NEK11: variants seen among roughly 807,000 people sequenced by gnomAD.
NEK11 encodes the protein serine/threonine-protein kinase Nek11.
A neutral mutation model predicts 80.7 loss-of-function variants in NEK11; 72 were observed. That is an observed-to-expected ratio of 0.89 (90% CI 0.74 to 1.08). NEK11 has a LOEUF of 1.08. Ranked by LOEUF, NEK11 falls within the 50% of genes least tolerant of loss-of-function variation. The probability of loss-of-function intolerance (pLI) is 0.00; values close to 1 mark genes in which losing one functional copy is unlikely to be tolerated. For missense variants in NEK11, 764 were observed against 763.6 expected (o/e 1.00, Z -0.01); for synonymous variants, 251 against 260.7 (o/e 0.96, Z 0.36).
chr3:131,198,012 G>A (rs1389177004), intron 14 of NEK11, among the ~76,000 whole-genome samples: 2 of 152,056 alleles, frequency 1.3e-5, no homozygotes, highest in South Asian at 2.1e-4. Flanking sequence ...GTGTTCCCTC[G>A]AAATTAGGAA....
At chr3:131,227,106 G>A (rs2107767016) in intron 14 of NEK11, among the ~76,000 whole-genome samples, 1 of 151,406 alleles carries the variant, frequency 6.6e-6, no homozygotes, top group East Asian at 1.9e-4. Flanking sequence ...GAGATCCCTA[G>A]TACACTGCTT....
chr3:131,307,382 T>C (rs559393752), intron 17 of NEK11, among the ~76,000 whole-genome samples: 1 of 152,306 alleles, frequency 6.6e-6, no homozygotes, highest in South Asian at 2.1e-4. Flanking sequence ...CATTTGAAAA[T>C]ATATTTGTTC....
intron 14 of NEK11, among the ~76,000 whole-genome samples, chr3:131,198,949 G>A (rs1052531640): frequency 2.0e-5 from 3 of 152,106 alleles, no homozygotes; most frequent in Non-Finnish European, 2.9e-5. Flanking sequence ...GTTGCTTTAG[G>A]GTTTTGGGAT....
intron 17 of NEK11, among the ~76,000 whole-genome samples, chr3:131,281,015 C>A (rs2096387284): frequency 6.6e-6 from 1 of 152,222 alleles, no homozygotes; most frequent in African/African-American, 2.4e-5. Flanking sequence ...TCTCTCTCAT[C>A]CTCTCGTGTC....
chr3:131,346,314 A>C (rs2097362962), intron 17 of NEK11, among the ~76,000 whole-genome samples: 1 of 152,214 alleles, frequency 6.6e-6, no homozygotes, highest in African/African-American at 2.4e-5. Context: ...TATACACAAT[A>C]AAATTTAAAA....
chr3:131,124,797 A>T (rs892631689), intron 5 of NEK11, among the ~76,000 whole-genome samples: 19 of 152,228 alleles, frequency 1.2e-4, no homozygotes, highest in Admixed American at 1.1e-3. Context: ...AATAGTTATT[A>T]AATAGCAAAG....
chr3:131,316,528 T>C (rs1028742504), intron 17 of NEK11, among the ~76,000 whole-genome samples: 3 of 152,248 alleles, frequency 2.0e-5, no homozygotes, highest in Admixed American at 6.5e-5. Flanking sequence ...GTCCTTTTGA[T>C]TATATTTTGT....
At chr3:131,105,327 C>T (rs1479462026) in intron 4 of NEK11, among the ~76,000 whole-genome samples, 1 of 152,178 alleles carries the variant, frequency 6.6e-6, no homozygotes, top group African/African-American at 2.4e-5. Context: ...AATTTCCCTT[C>T]ATAGTGTTTT....
At chr3:131,127,170 G>A (rs1162448099) in intron 5 of NEK11, among the ~76,000 whole-genome samples, 1 of 151,552 alleles carries the variant, frequency 6.6e-6, no homozygotes, top group Non-Finnish European at 1.5e-5. Context: ...TCATCATGTT[G>A]GCCATGCTGG....
intron 3 of NEK11, among the ~76,000 whole-genome samples, chr3:131,042,608 CAGTT>C (rs1363749982): frequency 5.9e-5 from 9 of 152,304 alleles, no homozygotes; most frequent in African/African-American, 1.9e-4. Context: ...GCAGCAGCCT[CAGTT>C]AGGGGCTTAT....
chr3:131,308,083 G>T (rs1424160243), intron 17 of NEK11, among the ~76,000 whole-genome samples: 1 of 152,310 alleles, frequency 6.6e-6, no homozygotes, highest in East Asian at 1.9e-4. Flanking sequence ...TGGCTGATTT[G>T]ATGAGTATGC....
intron 17 of NEK11, among the ~76,000 whole-genome samples, chr3:131,317,750 C>G (rs1281193284): frequency 1.3e-5 from 1 of 77,946 alleles, no homozygotes; most frequent in Non-Finnish European, 2.5e-5. Context: ...ACCCCTGTCT[C>G]TACCCCCACC....
chr3:131,229,969 C>T (rs551983277), intron 15 of NEK11, among the ~76,000 whole-genome samples: 1 of 152,196 alleles, frequency 6.6e-6, no homozygotes, highest in East Asian at 1.9e-4. Context: ...ACAGCACCTC[C>T]TACCACAAAT....
intron 7 of NEK11, among the ~76,000 whole-genome samples, chr3:131,142,056 T>C (rs1470826575): frequency 6.6e-6 from 1 of 152,206 alleles, no homozygotes; most frequent in Non-Finnish European, 1.5e-5. Context: ...TCTGCTCCAG[T>C]TGCAGTCCTG....
intron 17 of NEK11, among the ~76,000 whole-genome samples, chr3:131,324,547 AG>A (rs1340004842): frequency 6.6e-6 from 1 of 152,202 alleles, no homozygotes; most frequent in Non-Finnish European, 1.5e-5. Flanking sequence ...ACTTCAGTAA[AG>A]CTGTGGTGAA....
At chr3:131,086,335 C>T (rs1372413033) in intron 4 of NEK11, among the ~76,000 whole-genome samples, 1 of 152,116 alleles carries the variant, frequency 6.6e-6, no homozygotes, top group Admixed American at 6.6e-5. Flanking sequence ...TATTCTTTAC[C>T]TAATTGTGAT....
At chr3:131,294,975 T>G (rs940050873) in intron 17 of NEK11, among the ~76,000 whole-genome samples, 22 of 152,182 alleles carry the variant, frequency 1.4e-4, no homozygotes, top group African/African-American at 5.3e-4. Context: ...ATATTTAAAG[T>G]GAGTTTCTCG....
chr3:131,126,871 A>G (rs1017655250), intron 5 of NEK11, among the ~76,000 whole-genome samples: 5 of 151,838 alleles, frequency 3.3e-5, no homozygotes, highest in Non-Finnish European at 7.4e-5. Flanking sequence ...CCTTCTAGGA[A>G]TCCATTTATA....
intron 10 of NEK11, among the ~76,000 whole-genome samples, chr3:131,159,326 A>G (rs2149898292): frequency 6.6e-6 from 1 of 152,358 alleles, no homozygotes; most frequent in East Asian, 1.9e-4. Flanking sequence ...GAATATTAAT[A>G]GGAATGAAGA....
Sources: allele counts gnomAD v4.1 joint callset (sites outside exome capture counted in the v4.1 genomes callset), GRCh38; gene constraint gnomAD v4.1.1; transcripts MANE v1.5; gene names NCBI Gene and HGNC (gene_info 2026-07-23, HGNC 2026-07-21).